PRKDC: variants seen among roughly 807,000 people sequenced by gnomAD.
The protein encoded by PRKDC is protein kinase, DNA-activated, catalytic subunit, also known as DNA-dependent protein kinase catalytic subunit.
PRKDC carries 82 observed loss-of-function variants against 486.9 expected under a neutral mutation model. The ratio of observed to expected loss-of-function variants is 0.17; its 90% CI spans 0.14 to 0.20. PRKDC has a LOEUF of 0.20. PRKDC is among the 10% of genes least tolerant of loss of function. PRKDC has a pLI of 1.00. For missense variants in PRKDC, 4,504 were observed against 5,038.2 expected (o/e 0.89, Z 3.21); for synonymous variants, 1,895 against 1,837.0 (o/e 1.03, Z -0.81).
chr8:47,835,620 CAAAAAAAAAAAAAA>C (rs71548446), intron 58 of PRKDC, among the ~76,000 whole-genome samples: 9 of 20,478 alleles, frequency 4.4e-4, no homozygotes, highest in Admixed American at 8.9e-4. Context: ...GACTCTGTCT[CAAAAAAAAAAAAAA>C]AAAAAAAAAA....
chr8:47,912,583 A>G lies in PRKDC; in HGVS notation c.2782-21T>C, dbSNP rs781770517. 2.6e-6 allele frequency: 4 copies of G among 1,562,110 alleles called. No individual in the cohort carries two copies. In the East Asian group the frequency reaches 9.4e-5, roughly 37 times the overall value. ...GCAACCTAAAACAGACCAGGAGGTC[A>G]GCAATGTTTAAGTTATCACGTTGAT... On this transcript the variant is annotated intron_variant, in intron 24 of 85. Coordinates refer to ENST00000314191, the MANE Select transcript of PRKDC (RefSeq NM_006904.7).
At chr8:47,811,358 G>GA (rs1408918401) in intron 68 of PRKDC, among the ~76,000 whole-genome samples, 14 of 152,116 alleles carry the variant, frequency 9.2e-5, no homozygotes, top group Non-Finnish European at 1.9e-4. Flanking sequence ...TTCAGAGAAG[G>GA]AAAAAACTAA....
chr8:47,825,504 CAAAAA>C (rs397891351), intron 63 of PRKDC, among the ~76,000 whole-genome samples: 8 of 10,248 alleles, frequency 7.8e-4, no homozygotes, highest in African/African-American at 1.8e-3. Context: ...AAGACTGTCT[CAAAAA>C]AAAAAAAAAA....
rs753817792 is a variant in PRKDC at position 47,855,232 on chromosome 8, T to C, written c.6751A>G (p.Ile2251Val). The change falls in exon 50 of 86, where the codon ATC becomes GTC. Residue 2251 changes from isoleucine (I) to valine (V), a missense_variant. Ile to Val is a conservative substitution (Grantham distance 29). Transcript: ENST00000314191. ...LVECWKDCLS[I>V]PYRLIFEKFS... ...AACCAGTAAACATACCTATAAGGGA[T>C]GGATAAACAATCCTTCCAGCACTCG... 4 of 1,601,998 alleles carry C rather than the reference T, an allele frequency of 2.5e-6. No homozygotes were observed. The highest frequency in any genetic ancestry group is 3.4e-6 in the Non-Finnish European group (4 of 1,173,944).
intron 7 of PRKDC, among the ~76,000 whole-genome samples, chr8:47,948,483 G>C (rs2090574372): frequency 7.8e-6 from 1 of 127,550 alleles, no homozygotes; most frequent in South Asian, 2.5e-4. Flanking sequence ...TTTTGAGACA[G>C]AGTTTTGTTC....
At chr8:47,884,109 T>C (rs1277364005) in intron 36 of PRKDC, among the ~76,000 whole-genome samples, 2 of 152,262 alleles carry the variant, frequency 1.3e-5, no homozygotes, top group Non-Finnish European at 2.9e-5. Flanking sequence ...GTACTTAACT[T>C]TCCTCTTTTC....
intron 54 of PRKDC, among the ~76,000 whole-genome samples, chr8:47,842,391 AGTATCCATCACCT>A (rs1221149423): frequency 6.6e-6 from 1 of 152,138 alleles, no homozygotes; most frequent in Non-Finnish European, 1.5e-5. Flanking sequence ...AAATTCTTCT[AGTATCCATCACCT>A]GTGAAACCCA....
chr8:47,780,142 T>C (rs529635463), intron 80 of PRKDC, among the ~76,000 whole-genome samples: 89 of 151,832 alleles, frequency 5.9e-4, no homozygotes, highest in African/African-American at 2.0e-3. Context: ...CTCGAATTCC[T>C]GACCTCAGGC....
Position 47,858,561 on chromosome 8 carries a change from T to G in PRKDC, c.6420A>C (p.Leu2140Phe). 6.4e-7 allele frequency: 1 copy of G among 1,554,442 alleles called. No homozygotes were observed. Among genetic ancestry groups the G allele is most frequent in the Non-Finnish European group, 8.7e-7 (1 of 1,144,474 alleles). ...HGKLGNPIVP[L>F]NIRLFLAKLV... ...GCTTGGCTAAGAAGAGACGGATATT[T>G]AATGGTACTATTGGATTTCCCAGTT... The change falls in exon 48 of 86, where the codon TTA becomes TTC. Residue 2140 changes from leucine (L) to phenylalanine (F), a missense_variant. Coordinates refer to ENST00000314191, the MANE Select transcript of PRKDC (RefSeq NM_006904.7).
chr8:47,775,353 G>C (rs1387118030), intron 85 of PRKDC, among the ~76,000 whole-genome samples: 2 of 144,888 alleles, frequency 1.4e-5, no homozygotes, highest in Non-Finnish European at 3.0e-5. Context: ...GTCAGTTCAA[G>C]TCTTTTGACC....
chr8:47,780,918 T>TAG (rs148350215), intron 80 of PRKDC, among the ~76,000 whole-genome samples: 10 of 151,970 alleles, frequency 6.6e-5, no homozygotes, highest in Admixed American at 2.0e-4. Context: ...AGCCTGGTGA[T>TAG]AGAGAGAGAC....
rs1198002769 is a variant in PRKDC at position 47,773,215 on chromosome 8, T to G, written c.*958A>C. The G allele has an allele frequency of 4.1e-5, 9 of 218,382 alleles. No individual in the cohort carries two copies. The highest frequency in any genetic ancestry group is 8.3e-5 in the Non-Finnish European group (9 of 108,314). 13.5% of individuals were successfully genotyped at this position (218,382 alleles called of 1,614,324 possible). A position where few individuals can be genotyped will look rare whatever the true frequency, so the allele number is the denominator to read the frequency against. On this transcript the variant is annotated 3_prime_UTR_variant, in exon 86 of 86. Coordinates refer to ENST00000314191, the MANE Select transcript of PRKDC (RefSeq NM_006904.7). ...AGGAAAAAAAAAAACAACAAAAAGC[T>G]AAAAGCCAATCAGAAACAGTTTGGG...
At position 47,879,643 on chromosome 8, in the gene PRKDC, G is replaced by C; in HGVS notation, c.5083C>G (p.Leu1695Val). ...GTGAGGCTGGTGAAGAATGGAAGAA[G>C]AGTGACAGCTTGGCCCTGTGGAGCA... ...DLHLKGQAVT[L>V]LPFFTSLTGG... is the part of the protein sequence containing the mutation. Residue 1695 changes from leucine (L) to valine (V), a missense_variant, in exon 39 of 86, where the codon CTT (leucine) becomes GTT (valine). Leu to Val is a conservative substitution (Grantham distance 32). Transcript: ENST00000314191. The C allele has an allele frequency of 6.3e-7, 1 of 1,582,404 alleles. No individual in the cohort carries two copies. The highest frequency in any genetic ancestry group is 8.6e-7 in the Non-Finnish European group (1 of 1,166,938).
chr8:47,923,822 G>T (rs1444431558), intron 21 of PRKDC, among the ~76,000 whole-genome samples: 1 of 152,128 alleles, frequency 6.6e-6, no homozygotes, highest in Non-Finnish European at 1.5e-5. Context: ...AACCTAGATG[G>T]GGAGTGAACA....
intron 31 of PRKDC, among the ~76,000 whole-genome samples, chr8:47,892,568 T>A (rs1255371908): frequency 6.6e-6 from 1 of 152,152 alleles, no homozygotes. Flanking sequence ...TGGGCTCAAG[T>A]GGTCCTCCTG....
At chr8:47,868,730 T>C (rs925762159) in intron 40 of PRKDC, among the ~76,000 whole-genome samples, 2 of 152,154 alleles carry the variant, frequency 1.3e-5, no homozygotes, top group African/African-American at 4.8e-5. Flanking sequence ...GAGTGATCAT[T>C]GTACCTGGTT....
intron 10 of PRKDC, among the ~76,000 whole-genome samples, chr8:47,941,367 C>T (rs1241003315): frequency 6.6e-6 from 1 of 152,168 alleles, no homozygotes; most frequent in Non-Finnish European, 1.5e-5. Flanking sequence ...AATAATGGGA[C>T]TCAGGGTGGA....
chr8:47,928,836 C>A (rs536992954), intron 19 of PRKDC, among the ~76,000 whole-genome samples: 5 of 152,054 alleles, frequency 3.3e-5, no homozygotes, highest in Admixed American at 6.6e-5. Context: ...GGATTACAGG[C>A]GTGCACCACC....
chr8:47,811,265 T>C (rs1267407539), intron 68 of PRKDC, among the ~76,000 whole-genome samples: 1 of 152,122 alleles, frequency 6.6e-6, no homozygotes, highest in East Asian at 1.9e-4. Context: ...AGCCAAAAGA[T>C]ACTACAAGGG....
Sources: gnomAD v4.1 joint callset for allele counts (sites outside exome capture counted in the v4.1 genomes callset) on GRCh38, gnomAD v4.1.1 for gene constraint, MANE v1.5 for transcripts, NCBI Gene and HGNC (gene_info 2026-07-23, HGNC 2026-07-21) for gene names.